The following ZFP37 variants were observed in gnomAD, a reference collection of about 807,000 sequenced individuals.
ZFP37 encodes the protein ZFP37 zinc finger protein.
ZFP37 carries 38 observed loss-of-function variants against 52.1 expected under a neutral mutation model. That is an observed-to-expected ratio of 0.73 (90% CI 0.56 to 0.96). ZFP37 has a LOEUF of 0.96. Ranked by LOEUF, ZFP37 falls within the 40% of genes least tolerant of loss-of-function variation. ZFP37 has a pLI of 0.00. For synonymous variants in ZFP37, 253 were observed against 259.5 expected, an observed-to-expected ratio of 0.98 and a Z score of 0.24; for missense variants, 695 against 741.4, an observed-to-expected ratio of 0.94 and a Z score of 0.73.
chr9:113,043,874 T>C lies in ZFP37; in HGVS notation c.744A>G (p.Lys248=), dbSNP rs766977340. The change falls in exon 4 of 4, where the codon AAA becomes AAG. Residue 248 remains lysine (K), a synonymous_variant. Coordinates refer to ENST00000374227, the MANE Select transcript of ZFP37 (RefSeq NM_003408.3). ...AACTATGACAGCATAATTTGTCATG[T>C]TTTTTGCCAGTTTTGTTACACTTAT... ...SSDKCNKTGK[K]HDKLCCHSSS... The C allele has an allele frequency of 1.2e-6, 2 of 1,614,086 alleles. No individual in the cohort carries two copies. The highest frequency in any genetic ancestry group is 2.2e-5 in the East Asian group (1 of 44,862).
intron 3 of ZFP37, among the ~76,000 whole-genome samples, chr9:113,048,772 T>C (rs1829002663): frequency 6.6e-6 from 1 of 152,202 alleles, no homozygotes; most frequent in Non-Finnish European, 1.5e-5. Flanking sequence ...GGAAGGATTA[T>C]ACGTTCCTAC....
intron 1 of ZFP37, 117 bp from the exon 2 acceptor site, chr9:113,049,989 T>C: frequency 6.7e-7 from 1 of 1,500,034 alleles, no homozygotes; most frequent in Non-Finnish European, 9.0e-7. Flanking sequence ...GATAATAATT[T>C]GTTCTTACCT....
chr9:113,051,840 A>G (rs1829063085), intron 1 of ZFP37, among the ~76,000 whole-genome samples: 1 of 152,116 alleles, frequency 6.6e-6, no homozygotes, highest in African/African-American at 2.4e-5. Context: ...CCCATCATTG[A>G]TTGTCACTGG....
rs1828817339 is a variant in ZFP37 at position 113,039,801 on chromosome 9, T to G, written c.*2924A>C. The stretch of plus-strand genomic sequence containing the variant: ...TAATTTACTTTTATGCCCCTTCATT[T>G]TCTTAAAGAGGATCTGAAAAACAGT... On this transcript the variant is annotated 3_prime_UTR_variant, in exon 4 of 4. Coordinates refer to ENST00000374227, the MANE Select transcript of ZFP37 (RefSeq NM_003408.3). 6.6e-6 allele frequency: 1 copy of G among 152,248 alleles called. No homozygotes were observed. Among genetic ancestry groups the G allele is most frequent in the Admixed American group, 6.5e-5 (1 of 15,288 alleles). The allele number at this position is 152,248 out of a possible 1,614,324, so 9.4% of individuals were successfully genotyped here. A position where few individuals can be genotyped will look rare whatever the true frequency, so the allele number is the denominator to read the frequency against.
In ZFP37 at chr9:113,049,810, G is replaced by A. The variant is rs763520782; in HGVS notation, c.195C>T (p.Tyr65=). Reference sequence around the variant, plus strand: ...TCTTACCCATTGAGGCTTGGTTGCAGTAGTTCTCCAGCATCACATCATTAT... The same window carrying A: ...TCTTACCCATTGAGGCTTGGTTGCAATAGTTCTCCAGCATCACATCATTAT... ...NLYNDVMLEN[Y]CNQASMGCQA... The change falls in exon 2 of 4, where the codon TAC becomes TAT. Residue 65 remains tyrosine, a synonymous_variant. Transcript: ENST00000374227. The A allele has an allele frequency of 6.2e-7, 1 of 1,613,998 alleles. No homozygotes were observed. The highest frequency in any genetic ancestry group is 1.1e-5 in the South Asian group (1 of 91,050).
At chr9:113,048,559 A>G (rs1828999437) in intron 3 of ZFP37, among the ~76,000 whole-genome samples, 1 of 152,196 alleles carries the variant, frequency 6.6e-6, no homozygotes, top group Non-Finnish European at 1.5e-5. Flanking sequence ...AATTGAGCAC[A>G]GGAATAAGGA....
Position 113,042,692 on chromosome 9 carries a change from T to C in ZFP37, c.*33A>G. The stretch of plus-strand genomic sequence containing the variant: ...CATATTTCCAAGGTTCAACAAAACC[T>C]TAAATTTAGTTAACAAATTTCCCAC... On this transcript the variant is annotated 3_prime_UTR_variant, in exon 4 of 4. Coordinates refer to ENST00000374227, the MANE Select transcript of ZFP37 (RefSeq NM_003408.3). The C allele has an allele frequency of 1.3e-6, 2 of 1,512,100 alleles. No homozygotes were observed. The highest frequency in any genetic ancestry group is 1.8e-6 in the Non-Finnish European group (2 of 1,131,554). The allele number at this position is 1,512,100 out of a possible 1,614,324, so 93.7% of individuals were successfully genotyped here. A position where few individuals can be genotyped will look rare whatever the true frequency, so the allele number is the denominator to read the frequency against.
intron 3 of ZFP37, among the ~76,000 whole-genome samples, chr9:113,048,577 C>CTA (rs909509425): frequency 2.0e-5 from 3 of 151,996 alleles, no homozygotes; most frequent in African/African-American, 7.3e-5. Context: ...GGATATGTGG[C>CTA]TATATGGAAG....
Position 113,040,352 on chromosome 9 carries a change from C to T in ZFP37, c.*2373G>A, listed in dbSNP as rs1029234831. ...TTTCTACAGCTCTAGACAGTGATGA[C>T]TCATTCTGTGCATAGTGCTATATTT... On this transcript the variant is annotated 3_prime_UTR_variant, in exon 4 of 4. Transcript: ENST00000374227. 13 of 152,240 alleles carry T rather than the reference C, an allele frequency of 8.5e-5. No homozygotes were observed. The highest frequency in any genetic ancestry group is 2.7e-4 in the African/African-American group (11 of 41,468). The allele number at this position is 152,240 out of a possible 1,614,324, so 9.4% of individuals were successfully genotyped here. A position where few individuals can be genotyped will look rare whatever the true frequency, so the allele number is the denominator to read the frequency against.
At chr9:113,045,353 A>C (rs1214869659) in intron 3 of ZFP37, among the ~76,000 whole-genome samples, 1 of 152,210 alleles carries the variant, frequency 6.6e-6, no homozygotes, top group Admixed American at 6.5e-5. Context: ...TGATGCTTTC[A>C]TCAAATGATA....
intron 3 of ZFP37, among the ~76,000 whole-genome samples, chr9:113,045,565 T>C (rs1475167065): frequency 2.0e-5 from 3 of 152,232 alleles, no homozygotes; most frequent in Non-Finnish European, 4.4e-5. Flanking sequence ...CATTATACAC[T>C]TACACATTTT....
In ZFP37 at chr9:113,039,456, T is replaced by G. The variant is rs1033139653; in HGVS notation, c.*3269A>C. 5.3e-5 allele frequency: 8 copies of G among 152,158 alleles called. No individual in the cohort carries two copies. Among genetic ancestry groups the G allele is most frequent in the Non-Finnish European group, 5.9e-5 (4 of 68,034 alleles). The allele number at this position is 152,158 out of a possible 1,614,324, so 9.4% of individuals were successfully genotyped here. On this transcript the variant is annotated 3_prime_UTR_variant, in exon 4 of 4. Transcript: ENST00000374227. ...TTCCGTCATATATATATACATGGTT[T>G]GCTCTTTTACCCTCTCTGGGTCTTT... is the stretch of plus-strand genomic sequence containing the variant.
rs1156328412 is a variant in ZFP37 at position 113,052,776 on chromosome 9, T to C, written c.133-2904A>G. Among the ~76,000 whole-genome samples, 1 of 152,162 alleles carries C rather than the reference T, an allele frequency of 6.6e-6. No homozygotes were observed. Among genetic ancestry groups the C allele is most frequent in the Non-Finnish European group, 1.5e-5 (1 of 68,030 alleles). ...CAGCATAAACCACACTGTGTATTCT[T>C]TAAGCACTCGGAACTACTCTTAATC... On this transcript the variant is annotated intron_variant, in intron 1 of 3. Coordinates refer to ENST00000374227, the MANE Select transcript of ZFP37 (RefSeq NM_003408.3). This position sits in a 1 kb window ranked among gnomAD's most constrained non-coding sequence, Gnocchi z 4.1.
chr9:113,043,417 C>T lies in ZFP37; in HGVS notation c.1201G>A (p.Gly401Ser). ...TCCTTACATTCATATGGCTTCTCAC[C>T]TGTGTGAGATCTCACATGTTGAATA... Reference protein sequence around the residue: ...NLIQHVRSHTGEKPYECKECG... With the variant: ...NLIQHVRSHTSEKPYECKECG... Residue 401 changes from glycine to serine, a missense_variant, in exon 4 of 4, where the codon GGT becomes AGT. By Grantham distance (56) the Gly-to-Ser change is moderately conservative. Transcript: ENST00000374227. 1.2e-6 allele frequency: 2 copies of T among 1,614,098 alleles called. No homozygotes were observed. Among genetic ancestry groups the T allele is most frequent in the Non-Finnish European group, 1.7e-6 (2 of 1,179,966 alleles).
chr9:113,050,275 A>T (rs1829032062), intron 1 of ZFP37, among the ~76,000 whole-genome samples: 1 of 151,964 alleles, frequency 6.6e-6, no homozygotes, highest in African/African-American at 2.4e-5. Context: ...AGTCCCAGCT[A>T]CTCAGGAGGC....
rs1288098285 is a variant in ZFP37, at chr9:113,040,463, G to T, written c.*2262C>A. ...TAAATAAGTTACTTGGAAATGAGGG[G>T]ATATATTCATGAGTTGAGCTTTCAA... On this transcript the variant is annotated 3_prime_UTR_variant, in exon 4 of 4. Transcript: ENST00000374227. The T allele has an allele frequency of 6.6e-6, 1 of 152,216 alleles. No homozygotes were observed. The highest frequency in any genetic ancestry group is 2.4e-5 in the African/African-American group (1 of 41,458). The allele number at this position is 152,216 out of a possible 1,614,324, so 9.4% of individuals were successfully genotyped here.
At chr9:113,051,178 C>T (rs1394038873) in intron 1 of ZFP37, among the ~76,000 whole-genome samples, 1 of 152,152 alleles carries the variant, frequency 6.6e-6, no homozygotes, top group Non-Finnish European at 1.5e-5. Context: ...CTAGTTAAAT[C>T]TAAGTAACTT....
At position 113,056,715 on chromosome 9, in the gene ZFP37, C is replaced by G; in HGVS notation, c.-27G>C. ...GCGGCTACCCGGAGGGCGGCCTTAGCGGGTCCGGCAGCCGCGATGGCGGCG... is the reference window on the plus strand; with the variant it reads ...GCGGCTACCCGGAGGGCGGCCTTAGGGGGTCCGGCAGCCGCGATGGCGGCG... On this transcript the variant is annotated 5_prime_UTR_variant, in exon 1 of 4. Coordinates refer to ENST00000374227, the MANE Select transcript of ZFP37 (RefSeq NM_003408.3). 2 of 1,604,384 alleles carry G rather than the reference C, an allele frequency of 1.2e-6. No individual in the cohort carries two copies. The highest frequency in any genetic ancestry group is 1.7e-6 in the Non-Finnish European group (2 of 1,175,762).
In ZFP37 at chr9:113,043,277, G is replaced by A; in HGVS notation, c.1341C>T (p.Ser447=). The A allele has an allele frequency of 3.7e-6, 6 of 1,613,804 alleles. No homozygotes were observed. The highest frequency in any genetic ancestry group is 5.1e-6 in the Non-Finnish European group (6 of 1,179,930). The change falls in exon 4 of 4, where the codon TCC becomes TCT. Residue 447 remains serine, a synonymous_variant. Coordinates refer to ENST00000374227, the MANE Select transcript of ZFP37 (RefSeq NM_003408.3). ...TATGAATTCTCATGTGTTTAGTAAGGGATGAGCTATACTTAAAGGCTTTTC... is the reference window on the plus strand; with the variant it reads ...TATGAATTCTCATGTGTTTAGTAAGAGATGAGCTATACTTAAAGGCTTTTC... ...ECGKAFKYSS[S]LTKHMRIHTG...
Sources: allele counts gnomAD v4.1 joint callset (sites outside exome capture counted in the v4.1 genomes callset), GRCh38; gene constraint gnomAD v4.1.1; non-coding constraint Gnocchi (gnomAD v3.1); transcripts MANE v1.5; gene names NCBI Gene and HGNC (gene_info 2026-07-23, HGNC 2026-07-21).